Variants in NF1 observed in about 807,000 individuals in gnomAD.
NF1 encodes the protein neurofibromin 1.
NF1 carries 122 observed loss-of-function variants against 325.7 expected under a neutral mutation model. The observed-to-expected ratio is 0.37, with a 90% CI of 0.32 to 0.44. The LOEUF is 0.44. NF1 is among the 20% of genes least tolerant of loss of function. NF1 has a pLI of 1.00. For synonymous variants in NF1, 1,091 were observed against 1,186.0 expected (o/e 0.92, Z 1.65); for missense variants, 2,140 against 3,415.4 (o/e 0.63, Z 9.31).
chr17:31,108,980 C>T (rs1477826623), intron 1 of NF1, among the ~76,000 whole-genome samples: 4 of 152,148 alleles, frequency 2.6e-5, no homozygotes, highest in Non-Finnish European at 1.5e-5. Flanking sequence ...ACTCTAAACT[C>T]AAAAGCAAAA....
chr17:31,223,300 A>C, intron 15 of NF1, 144 bp from the exon 16 acceptor site: 1 of 957,610 alleles, frequency 1.0e-6, no homozygotes, highest in South Asian at 1.4e-5. Flanking sequence ...TGACACTTTG[A>C]TAACTGTTTC....
intron 8 of NF1, 133 bp downstream of exon 8, chr17:31,182,798 CTTTG>C: frequency 1.1e-6 from 1 of 902,334 alleles, no homozygotes; most frequent in Admixed American, 2.1e-5. Context: ...TTTTAGGTTT[CTTTG>C]TTTGATGGAC....
chr17:31,105,505 T>C (rs190573574), intron 1 of NF1, among the ~76,000 whole-genome samples: 2 of 152,146 alleles, frequency 1.3e-5, no homozygotes, highest in Non-Finnish European at 2.9e-5. Context: ...TCTTATTCCA[T>C]TGAACTTCAG....
intron 36 of NF1, chr17:31,304,803 G>T: frequency 6.2e-7 from 1 of 1,613,992 alleles, no homozygotes; most frequent in Non-Finnish European, 8.5e-7. Flanking sequence ...TAAGTGAAAT[G>T]ATTGATGTAC....
chr17:31,117,605 G>A (rs532299830), intron 1 of NF1, among the ~76,000 whole-genome samples: 7 of 141,496 alleles, frequency 4.9e-5, no homozygotes, highest in South Asian at 2.3e-4. Context: ...CACGGGAGGC[G>A]GAGCTTGCAG....
intron 7 of NF1, 147 bp downstream of exon 7, chr17:31,181,932 G>A (rs2066145187): frequency 1.5e-6 from 1 of 667,048 alleles, no homozygotes; most frequent in East Asian, 2.7e-5. Flanking sequence ...AGGAAATACT[G>A]TTTTTCTCTT....
chr17:31,332,993 C>G (rs1362276687), intron 39 of NF1, among the ~76,000 whole-genome samples: 1 of 152,062 alleles, frequency 6.6e-6, no homozygotes, highest in Non-Finnish European at 1.5e-5. Flanking sequence ...TGTAATCCCA[C>G]CTGCTCAGGA....
rs1256727206 is a variant in NF1, at chr17:31,248,998, A to G, written c.3989A>G (p.Glu1330Gly). The G allele has an allele frequency of 1.2e-6, 2 of 1,614,120 alleles. No homozygotes were observed. The highest frequency in any genetic ancestry group is 1.7e-6 in the Non-Finnish European group (2 of 1,179,972). ...EVDPTRLEPSESLEENQRNLL... is the reference protein window; with the variant it reads ...EVDPTRLEPSGSLEENQRNLL... ...TTTTTTTGTAGGTTAGAACCATCAG[A>G]GAGCCTTGAGGAAAACCAGCGGAAC... The change falls in exon 30 of 58, where the codon GAG (glutamate) becomes GGG (glycine). Residue 1330 changes from glutamate to glycine, a missense_variant. Physicochemically the swap from Glu to Gly is moderately conservative, Grantham distance 98 (BLOSUM62 -2). Around this residue, in one of 10 missense-constraint regions of NF1, gnomAD observed 336 missense variants for 399.0 expected, o/e 0.84. Transcript: ENST00000358273.
In NF1 at chr17:31,235,912, C is replaced by A. The variant is rs2151438477; in HGVS notation, c.3871-6C>A. 6.2e-7 allele frequency: 1 copy of A among 1,612,060 alleles called. No homozygotes were observed. The highest frequency in any genetic ancestry group is 8.5e-7 in the Non-Finnish European group (1 of 1,178,098). Reference sequence around the variant, plus strand: ...ATAATAAACTCCTATTCGTGCATTTCTGTAGGTATATGGTGCTACCTATCT... The same window carrying A: ...ATAATAAACTCCTATTCGTGCATTTATGTAGGTATATGGTGCTACCTATCT... On this transcript the variant is annotated splice_polypyrimidine_tract_variant and splice_region_variant and intron_variant, in intron 28 of 57. Coordinates refer to ENST00000358273, the MANE Select transcript of NF1 (RefSeq NM_001042492.3).
chr17:31,274,466 C>T (rs2067964232), intron 36 of NF1, among the ~76,000 whole-genome samples: 1 of 152,132 alleles, frequency 6.6e-6, no homozygotes, highest in African/African-American at 2.4e-5. Context: ...TTTTACTGTG[C>T]TGTGAAGATC....
intron 36 of NF1, chr17:31,296,156 T>A (rs1219432712): frequency 6.2e-7 from 1 of 1,611,832 alleles, no homozygotes; most frequent in Non-Finnish European, 8.5e-7. Context: ...CAGGTTTAAA[T>A]GTATAATATT....
At chr17:31,282,108 C>CGTG (rs1567872883) in intron 36 of NF1, among the ~76,000 whole-genome samples, 2 of 151,366 alleles carry the variant, frequency 1.3e-5, no homozygotes, top group African/African-American at 4.9e-5. Flanking sequence ...TTGGGCCGGG[C>CGTG]GTGGTGGTTC....
intron 36 of NF1, among the ~76,000 whole-genome samples, chr17:31,282,313 C>T (rs1232780951): frequency 2.0e-5 from 3 of 146,850 alleles, no homozygotes; most frequent in African/African-American, 7.6e-5. Flanking sequence ...ACCTGGGAGG[C>T]GGAGCTTGCA....
At chr17:31,152,590 G>T in intron 1 of NF1, among the ~76,000 whole-genome samples, 1 of 145,236 alleles carries the variant, frequency 6.9e-6, no homozygotes, top group Non-Finnish European at 1.5e-5. Context: ...TATCTTCTGT[G>T]TTAATTTACT....
chr17:31,227,540 T>G lies in NF1; in HGVS notation c.2343T>G (p.His781Gln), dbSNP rs774248644. 6.2e-7 allele frequency: 1 copy of G among 1,613,798 alleles called. No homozygotes were observed. Among genetic ancestry groups the G allele is most frequent in the Non-Finnish European group, 8.5e-7 (1 of 1,179,802 alleles). The change falls in exon 20 of 58, where the codon CAT (histidine) becomes CAG (glutamine). Residue 781 changes from histidine to glutamine, a missense_variant. Physicochemically the swap from His to Gln is conservative, Grantham distance 24. Around this residue, in one of 10 missense-constraint regions of NF1, gnomAD observed 380 missense variants for 639.3 expected, o/e 0.59. Coordinates refer to ENST00000358273, the MANE Select transcript of NF1 (RefSeq NM_001042492.3). ...CATTTTAGGCTTGGGAAGATACACA[T>G]GCAAAATGGGAACAAGCAACAAAGC... ...AGNTEAWEDT[H>Q]AKWEQATKLI...
At chr17:31,154,817 G>A (rs1487959705) in intron 1 of NF1, among the ~76,000 whole-genome samples, 1 of 144,930 alleles carries the variant, frequency 6.9e-6, no homozygotes, top group Non-Finnish European at 1.5e-5. Context: ...TCGGCTCACT[G>A]CAATCTCTGC....
chr17:31,242,279 A>G (rs1361053325), intron 29 of NF1, among the ~76,000 whole-genome samples: 8 of 118,028 alleles, frequency 6.8e-5, no homozygotes, highest in African/African-American at 1.3e-4. Flanking sequence ...ATTGATAAAT[A>G]TCTTTCCCTA....
At chr17:31,159,152 A>G in intron 3 of NF1, 59 bp downstream of exon 3, 2 of 1,181,198 alleles carry the variant, frequency 1.7e-6, no homozygotes, top group Non-Finnish European at 2.5e-6. Context: ...GAATGATCTT[A>G]TGTCCCAAAG....
At chr17:31,185,574 G>A (rs1287855365) in intron 8 of NF1, among the ~76,000 whole-genome samples, 1 of 152,170 alleles carries the variant, frequency 6.6e-6, no homozygotes, top group Non-Finnish European at 1.5e-5. Context: ...TTCTTTCTAA[G>A]GTGAAGAATA....
Sources: allele counts gnomAD v4.1 joint callset (sites outside exome capture counted in the v4.1 genomes callset), GRCh38; gene constraint gnomAD v4.1.1; regional missense constraint gnomAD v4.1.1; transcripts MANE v1.5; gene names NCBI Gene and HGNC (gene_info 2026-07-23, HGNC 2026-07-21).